The following BTG4 variants were observed in gnomAD, a reference collection of about 807,000 sequenced individuals.
The protein encoded by BTG4 is BTG anti-proliferation factor 4.
Under a neutral mutation model 19.3 loss-of-function variants are expected in BTG4, and 10 were observed. The ratio of observed to expected loss-of-function variants is 0.52; its 90% confidence interval spans 0.32 to 0.88. The LOEUF (loss-of-function observed/expected upper bound fraction) is 0.88, where lower values mean the gene tolerates loss of function less well. Among genes scored for constraint, BTG4 ranks in the 40% least tolerant of loss-of-function variants. The pLI is 0.04. For missense variants in BTG4, 238 were observed against 281.9 expected, an observed-to-expected ratio of 0.84 and a Z score of 1.11; for synonymous variants, 91 against 95.7, an observed-to-expected ratio of 0.95 and a Z score of 0.29.
the BTG4 span, among the ~76,000 whole-genome samples, chr11:111,439,673 T>C: frequency 6.6e-6 from 1 of 152,118 alleles, no homozygotes; most frequent in African/African-American, 2.4e-5. Context: ...CTGCACACTT[T>C]GCCTCATCAT....
the BTG4 span, chr11:111,384,763 G>C: frequency 6.6e-6 from 1 of 152,018 alleles, no homozygotes; most frequent in South Asian, 2.1e-4. Context: ...GTTTATTATA[G>C]GAATTTTCTT....
the BTG4 span, among the ~76,000 whole-genome samples, chr11:111,444,306 G>A: frequency 6.6e-6 from 1 of 150,694 alleles, no homozygotes; most frequent in East Asian, 2.0e-4. Context: ...GGCAGGGGAG[G>A]GGAGGGGAGA....
chr11:111,499,824 G>T (rs557388029), intron 1 of BTG4, among the ~76,000 whole-genome samples: 1 of 152,194 alleles, frequency 6.6e-6, no homozygotes, highest in South Asian at 2.1e-4. Flanking sequence ...ATGTGATCTG[G>T]ACTCACTGTG....
intron 3 of BTG4, 93 bp from the exon 4 acceptor site, chr11:111,497,502 A>T: frequency 1.2e-6 from 1 of 816,338 alleles, no homozygotes; most frequent in Non-Finnish European, 1.7e-6. Flanking sequence ...AACTTATTTT[A>T]AAAGAAATTG....
At chr11:111,461,293 T>C in the BTG4 span, among the ~76,000 whole-genome samples, 3 of 152,210 alleles carry the variant, frequency 2.0e-5, no homozygotes, top group Non-Finnish European at 2.9e-5. Context: ...TCAGTATGTC[T>C]TCACGATATG....
the BTG4 span, among the ~76,000 whole-genome samples, chr11:111,427,938 A>G: frequency 2.0e-5 from 3 of 152,180 alleles, no homozygotes; most frequent in Non-Finnish European, 4.4e-5. Flanking sequence ...CATTAGACTG[A>G]GGACACATAC....
intron 5 of BTG4, among the ~76,000 whole-genome samples, chr11:111,480,892 G>A (rs1864701964): frequency 6.6e-6 from 1 of 150,438 alleles, no homozygotes; most frequent in African/African-American, 2.4e-5. Flanking sequence ...CAAAAATCTA[G>A]AAAAAGAGTA....
At chr11:111,489,522 G>A (rs1865281309) in intron 5 of BTG4, among the ~76,000 whole-genome samples, 1 of 152,110 alleles carries the variant, frequency 6.6e-6, no homozygotes. Context: ...GCTAACATAT[G>A]GAATCAACCT....
intron 5 of BTG4, among the ~76,000 whole-genome samples, chr11:111,486,710 C>T (rs2135599580): frequency 6.6e-6 from 1 of 152,308 alleles, no homozygotes; most frequent in South Asian, 2.1e-4. Flanking sequence ...ATGTGGGATT[C>T]ATCCCAGGGA....
At chr11:111,488,703 G>A (rs1865213242) in intron 5 of BTG4, among the ~76,000 whole-genome samples, 1 of 152,136 alleles carries the variant, frequency 6.6e-6, no homozygotes, top group Non-Finnish European at 1.5e-5. Context: ...CCATCTGACA[G>A]GTATTAACTG....
the BTG4 span, among the ~76,000 whole-genome samples, chr11:111,420,546 T>C: frequency 6.6e-6 from 1 of 152,220 alleles, no homozygotes; most frequent in East Asian, 1.9e-4. Context: ...CATGATCATC[T>C]CACAAGAGTT....
the BTG4 span, among the ~76,000 whole-genome samples, chr11:111,435,356 A>C: frequency 6.6e-6 from 1 of 151,970 alleles, no homozygotes; most frequent in Non-Finnish European, 1.5e-5. Flanking sequence ...TGGGGACACC[A>C]CCGCCACCAC....
Position 111,498,659 on chromosome 11 carries a change from C to G in BTG4, c.118G>C (p.Glu40Gln). The G allele has an allele frequency of 6.2e-7, 1 of 1,613,916 alleles. No homozygotes were observed. Among genetic ancestry groups the G allele is most frequent in the Non-Finnish European group, 8.5e-7 (1 of 1,179,962 alleles). ...FAEKLMTILF[E>Q]TYRSHWHSDC... ...GAGTGCCAGTGACTTCTGTATGTTT[C>G]AAACAAGATCGTCATCAGCTTTTCT... is the stretch of plus-strand genomic sequence containing the variant. The change falls in exon 2 of 5, where the codon GAA (glutamate) becomes CAA (glutamine). Residue 40 changes from glutamate (E) to glutamine (Q), a missense_variant. Transcript: ENST00000692032.
downstream of BTG4, among the ~76,000 whole-genome samples, chr11:111,464,004 C>T (rs1264126330): frequency 2.0e-5 from 3 of 152,102 alleles, no homozygotes; most frequent in Admixed American, 6.5e-5. Context: ...TGGAAGCCAA[C>T]GTCTTTTTTT....
chr11:111,385,609 G>A, the BTG4 span: 2 of 151,772 alleles, frequency 1.3e-5, no homozygotes, highest in African/African-American at 4.8e-5. Flanking sequence ...ATTTATCCCA[G>A]GAATGCAAGG....
chr11:111,429,393 G>A, the BTG4 span, among the ~76,000 whole-genome samples: 1 of 152,160 alleles, frequency 6.6e-6, no homozygotes, highest in Non-Finnish European at 1.5e-5. Flanking sequence ...AACAAGGGAG[G>A]TTAAGCAGCC....
At chr11:111,438,340 T>C in the BTG4 span, among the ~76,000 whole-genome samples, 1 of 152,188 alleles carries the variant, frequency 6.6e-6, no homozygotes, top group Non-Finnish European at 1.5e-5. Context: ...TGAGACACCA[T>C]GTGAGCCAGG....
the BTG4 span, among the ~76,000 whole-genome samples, chr11:111,411,768 C>G: frequency 6.6e-6 from 1 of 152,058 alleles, no homozygotes; most frequent in Non-Finnish European, 1.5e-5. Flanking sequence ...TCTGTCTCCT[C>G]CAACAAAAAA....
chr11:111,438,182 T>C, the BTG4 span, among the ~76,000 whole-genome samples: 1 of 152,230 alleles, frequency 6.6e-6, no homozygotes, highest in African/African-American at 2.4e-5. Context: ...GGTGTCACCC[T>C]GATGGCAGTT....
Sources: gnomAD v4.1 joint callset for allele counts (sites outside exome capture counted in the v4.1 genomes callset) on GRCh38, gnomAD v4.1.1 for gene constraint, MANE v1.5 for transcripts, NCBI Gene and HGNC (gene_info 2026-07-23, HGNC 2026-07-21) for gene names.